Variants in CDC42BPB observed in about 807,000 individuals in gnomAD.
CDC42BPB encodes the protein CDC42 binding protein kinase beta.
Under a neutral mutation model 214.9 loss-of-function variants are expected in CDC42BPB, and 37 were observed. The ratio of observed to expected loss-of-function variants is 0.17; its 90% CI spans 0.13 to 0.23. The LOEUF is 0.23. CDC42BPB is among the 10% of genes least tolerant of loss of function. The pLI is 1.00. For synonymous variants in CDC42BPB, 931 were observed against 884.0 expected (o/e 1.05, Z -0.94); for missense variants, 1,694 against 2,227.0 (o/e 0.76, Z 4.82).
At chr14:102,961,877 A>G (rs1892978230) in intron 20 of CDC42BPB, among the ~76,000 whole-genome samples, 1 of 152,244 alleles carries the variant, frequency 6.6e-6, no homozygotes, top group Non-Finnish European at 1.5e-5. Context: ...AAATAAATAA[A>G]TGATAAGCAA....
intron 13 of CDC42BPB, among the ~76,000 whole-genome samples, chr14:102,971,025 C>T (rs1244538738): frequency 2.6e-5 from 4 of 152,282 alleles, no homozygotes; most frequent in African/African-American, 9.6e-5. Flanking sequence ...ACACCCAGGG[C>T]GGCACAGGGC....
At chr14:102,937,169 T>C (rs1891679353) in intron 36 of CDC42BPB, 1 of 152,356 alleles carries the variant, frequency 6.6e-6, no homozygotes, top group African/African-American at 2.4e-5. Context: ...TGTGACAGCC[T>C]AAGACACACT....
chr14:103,012,362 A>T (rs1246600117), intron 1 of CDC42BPB, 174 bp from the exon 2 acceptor site: 1 of 914,114 alleles, frequency 1.1e-6, no homozygotes, highest in Non-Finnish European at 1.3e-6. Context: ...ACAGATGTGG[A>T]TCCTGAGCAA....
intron 20 of CDC42BPB, 150 bp from the exon 21 acceptor site, chr14:102,959,860 A>T: frequency 1.7e-6 from 2 of 1,145,808 alleles, no homozygotes; most frequent in Non-Finnish European, 2.2e-6. Context: ...AAAAAAAAAA[A>T]GGGGTCAGGC....
chr14:103,018,013 G>C lies in CDC42BPB; in HGVS notation c.176-5825C>G, dbSNP rs537334494. Among the ~76,000 whole-genome samples, 15 of 152,342 alleles carry C rather than the reference G, an allele frequency of 9.8e-5. No homozygotes were observed. The South Asian group carries it at 1.5e-3, about 15-fold the overall frequency. ...AGACAATTTTTCCACAGACCCGTAG[G>C]GGGGTGGAGGAGGTGAGGTGATGGT... is the stretch of plus-strand genomic sequence containing the variant. On this transcript the variant is annotated intron_variant, in intron 1 of 36. Coordinates refer to ENST00000361246, the MANE Select transcript of CDC42BPB (RefSeq NM_006035.4).
At chr14:103,031,820 G>C (rs1428710014) in intron 1 of CDC42BPB, among the ~76,000 whole-genome samples, 1 of 152,024 alleles carries the variant, frequency 6.6e-6, no homozygotes, top group Non-Finnish European at 1.5e-5. Flanking sequence ...AGAGACTACA[G>C]CATCACTCAC....
At chr14:102,968,168 A>G in intron 16 of CDC42BPB, 85 bp downstream of exon 16, 1 of 875,360 alleles carries the variant, frequency 1.1e-6, no homozygotes, top group Non-Finnish European at 1.9e-6. Context: ...TATACCTACT[A>G]TGTACCCACA....
chr14:102,990,449 C>T lies in CDC42BPB; in HGVS notation c.597-3869G>A, dbSNP rs115289097. On this transcript the variant is annotated intron_variant, in intron 5 of 36. Coordinates refer to ENST00000361246, the MANE Select transcript of CDC42BPB (RefSeq NM_006035.4). The stretch of plus-strand genomic sequence containing the variant: ...CACATCTCAGGACTGAGTGAGTGCA[C>T]GTACTAACGGTGCTGGGAGTCACAG... 6.1e-3 allele frequency among the ~76,000 whole-genome samples: 926 copies of T among 152,200 alleles called. 13 individuals carry two copies. The highest frequency in any genetic ancestry group is 0.021 in the African/African-American group (872 of 41,506).
chr14:103,051,638 A>G (rs1413956279), intron 1 of CDC42BPB, among the ~76,000 whole-genome samples: 1 of 152,250 alleles, frequency 6.6e-6, no homozygotes, highest in Non-Finnish European at 1.5e-5. Context: ...TCAACCCTGC[A>G]GTGTTGTGAG....
intron 5 of CDC42BPB, among the ~76,000 whole-genome samples, chr14:102,989,871 GA>G (rs1015400352): frequency 2.8e-4 from 39 of 141,618 alleles, no homozygotes; most frequent in Non-Finnish European, 3.7e-4. Flanking sequence ...AAAAAAAAAA[GA>G]AAAAAAAAAG....
intron 6 of CDC42BPB, among the ~76,000 whole-genome samples, chr14:102,985,112 C>T (rs556258602): frequency 1.9e-4 from 29 of 151,000 alleles, no homozygotes; most frequent in South Asian, 2.1e-4. Flanking sequence ...GGAGGGTAAC[C>T]CATGTTCTGG....
At chr14:103,024,558 AT>A (rs1364934502) in intron 1 of CDC42BPB, among the ~76,000 whole-genome samples, 1 of 152,232 alleles carries the variant, frequency 6.6e-6, no homozygotes, top group Non-Finnish European at 1.5e-5. Context: ...TTTAGCAACT[AT>A]TCGTAACATC....
intron 18 of CDC42BPB, 137 bp from the exon 19 acceptor site, chr14:102,964,787 G>A: frequency 1.5e-6 from 2 of 1,307,794 alleles, no homozygotes; most frequent in African/African-American, 1.5e-5. Context: ...TTATGGAGGT[G>A]CCTCAGGAGT....
At chr14:103,029,824 A>G (rs1887259981) in intron 1 of CDC42BPB, among the ~76,000 whole-genome samples, 1 of 134,348 alleles carries the variant, frequency 7.4e-6, no homozygotes, top group Non-Finnish European at 1.5e-5. Flanking sequence ...GCGCCACTGC[A>G]CTCCAGCCTA....
Position 102,933,832 on chromosome 14 carries a change from G to A in CDC42BPB, c.5016C>T (p.Asp1672=), listed in dbSNP as rs751989434. ...DQDFDKEPDS[D]STKHSTPSNS... is the part of the protein sequence containing the mutation. Reference sequence around the variant, plus strand: ...TCGATGGAGTTGAGTGTTTGGTGGAGTCCGAATCAGGCTGTGAACAGGAAG... The same window carrying A: ...TCGATGGAGTTGAGTGTTTGGTGGAATCCGAATCAGGCTGTGAACAGGAAG... The change falls in exon 37 of 37, where the codon GAC becomes GAT. Residue 1672 remains aspartate (D), a synonymous_variant. Transcript: ENST00000361246. The A allele has an allele frequency of 6.6e-7, 1 of 1,521,402 alleles. No homozygotes were observed. Among genetic ancestry groups the A allele is most frequent in the Non-Finnish European group, 8.8e-7 (1 of 1,141,988 alleles). The allele number at this position is 1,521,402 out of a possible 1,614,324, so 94.2% of individuals were successfully genotyped here. A position where few individuals can be genotyped will look rare whatever the true frequency, so the allele number is the denominator to read the frequency against.
intron 36 of CDC42BPB, 187 bp from the exon 37 acceptor site, chr14:102,934,030 C>A: frequency 7.4e-7 from 1 of 1,353,512 alleles, no homozygotes; most frequent in Non-Finnish European, 9.4e-7. Flanking sequence ...GTGAGAGTCA[C>A]AAATTGATGT....
chr14:103,038,833 A>G (rs1019839960), intron 1 of CDC42BPB, among the ~76,000 whole-genome samples: 3 of 151,340 alleles, frequency 2.0e-5, no homozygotes, highest in African/African-American at 7.3e-5. Context: ...ATTACCTTTT[A>G]TTATGGTAAA....
chr14:102,938,375 G>C lies in CDC42BPB; in HGVS notation c.4864C>G (p.Pro1622Ala), dbSNP rs1566838020. Reference sequence around the variant, plus strand: ...TGGCGAGCCAGGTTGGTGGGAGCGGGGCCCGGCCTTTCCTCCTGGGAGGGG... The same window carrying C: ...TGGCGAGCCAGGTTGGTGGGAGCGGCGCCCGGCCTTTCCTCCTGGGAGGGG... Reference protein sequence around the residue: ...VPPSQEERPGPAPTNLARQPP... With the variant: ...VPPSQEERPGAAPTNLARQPP... Residue 1622 changes from proline to alanine, a missense_variant, in exon 35 of 37, where the codon CCC (proline) becomes GCC (alanine). Coordinates refer to ENST00000361246, the MANE Select transcript of CDC42BPB (RefSeq NM_006035.4). 1 of 1,565,358 alleles carries C rather than the reference G, an allele frequency of 6.4e-7. No homozygotes were observed. The highest frequency in any genetic ancestry group is 8.6e-7 in the Non-Finnish European group (1 of 1,161,494).
chr14:102,996,543 T>G (rs1894745632), intron 5 of CDC42BPB, among the ~76,000 whole-genome samples: 1 of 151,762 alleles, frequency 6.6e-6, no homozygotes. Flanking sequence ...CCGGGGGAGG[T>G]GGCTCATGCC....
Sources: allele counts gnomAD v4.1 joint callset (sites outside exome capture counted in the v4.1 genomes callset), GRCh38; gene constraint gnomAD v4.1.1; transcripts MANE v1.5; gene names NCBI Gene and HGNC (gene_info 2026-07-23, HGNC 2026-07-21).